The following CDH13 variants were observed in gnomAD, a reference collection of about 807,000 sequenced individuals.
The protein encoded by CDH13 is cadherin 13.
Under a neutral mutation model 63.8 loss-of-function variants are expected in CDH13, and 24 were observed. That is an observed-to-expected ratio of 0.38 (90% CI 0.27 to 0.53). The LOEUF (loss-of-function observed/expected upper bound fraction) is 0.53. Ranked by LOEUF, CDH13 falls within the 20% of genes least tolerant of loss-of-function variation. The pLI is 0.85. For synonymous variants in CDH13, 503 were observed against 355.3 expected (o/e 1.42, Z -4.67); for missense variants, 1,049 against 903.1 (o/e 1.16, Z -2.07).
intron 3 of CDH13, among the ~76,000 whole-genome samples, chr16:83,117,631 G>C (rs1338422368): frequency 1.3e-5 from 2 of 151,974 alleles, no homozygotes; most frequent in East Asian, 3.9e-4. Context: ...ACCTGGCAGA[G>C]AGAAAGGGCT....
chr16:82,863,988 T>C (rs1459962766), intron 2 of CDH13, among the ~76,000 whole-genome samples: 2 of 152,240 alleles, frequency 1.3e-5, no homozygotes, highest in Non-Finnish European at 2.9e-5. Flanking sequence ...GCTTTCCTTT[T>C]AAAAGGTCAC....
intron 1 of CDH13, among the ~76,000 whole-genome samples, chr16:82,851,368 G>T (rs1486782488): frequency 6.6e-6 from 1 of 151,398 alleles, no homozygotes; most frequent in East Asian, 1.9e-4. Flanking sequence ...CCTGGAGGCG[G>T]AGGGTGCAGT....
intron 3 of CDH13, among the ~76,000 whole-genome samples, chr16:83,097,624 A>T (rs1257031809): frequency 1.3e-5 from 2 of 152,204 alleles, no homozygotes; most frequent in East Asian, 1.9e-4. Flanking sequence ...TGGGATAGCC[A>T]AGGAAGGCAT....
At chr16:83,579,580 C>G (rs538195653) in intron 7 of CDH13, among the ~76,000 whole-genome samples, 1 of 152,192 alleles carries the variant, frequency 6.6e-6, no homozygotes, top group South Asian at 2.1e-4. Flanking sequence ...ATCCAGTCAC[C>G]TCCCACCAGG....
At chr16:83,763,090 C>A (rs562908354) in intron 11 of CDH13, among the ~76,000 whole-genome samples, 1 of 152,046 alleles carries the variant, frequency 6.6e-6, no homozygotes, top group Non-Finnish European at 1.5e-5. Context: ...TTTAAAAGAA[C>A]GGGGGAGTGA....
chr16:83,428,509 A>C (rs1172939206), intron 6 of CDH13, among the ~76,000 whole-genome samples: 2 of 152,210 alleles, frequency 1.3e-5, no homozygotes, highest in African/African-American at 4.8e-5. Flanking sequence ...CGTGGCATGG[A>C]GATAACAATA....
chr16:82,657,423 A>G (rs1391842716), intron 1 of CDH13, among the ~76,000 whole-genome samples: 1 of 152,252 alleles, frequency 6.6e-6, no homozygotes, highest in Non-Finnish European at 1.5e-5. Flanking sequence ...CAGGATGGAT[A>G]CACTGAAGAA....
chr16:83,489,297 G>C (rs973645973), intron 7 of CDH13, among the ~76,000 whole-genome samples: 1 of 152,062 alleles, frequency 6.6e-6, no homozygotes, highest in Admixed American at 6.6e-5. Flanking sequence ...TGTAATTATG[G>C]AAGTTGAATT....
At chr16:83,504,565 C>T (rs4782805) in intron 7 of CDH13, among the ~76,000 whole-genome samples, 100,946 of 151,882 alleles carry the variant, frequency 0.66, 33,773 homozygotes, top group East Asian at 0.88. Context: ...GACCTGGACT[C>T]CACGTTTTGG....
intron 3 of CDH13, among the ~76,000 whole-genome samples, chr16:83,055,282 T>G (rs1443218807): frequency 1.3e-5 from 2 of 151,730 alleles, no homozygotes; most frequent in East Asian, 3.9e-4. Context: ...AAAATACAAT[T>G]TATAACATAG....
intron 1 of CDH13, chr16:82,719,588 G>A: frequency 2.7e-6 from 1 of 365,304 alleles, no homozygotes; most frequent in Non-Finnish European, 5.5e-6. Context: ...GCTTGTGTCT[G>A]TAATCCCAGC....
At chr16:82,887,566 A>T (rs921117166) in intron 2 of CDH13, among the ~76,000 whole-genome samples, 1 of 152,166 alleles carries the variant, frequency 6.6e-6, no homozygotes, top group Non-Finnish European at 1.5e-5. Flanking sequence ...CACGCCTGTA[A>T]TCCCAGCGCT....
At chr16:83,753,901 C>G (rs577530262) in intron 11 of CDH13, among the ~76,000 whole-genome samples, 1 of 151,262 alleles carries the variant, frequency 6.6e-6, no homozygotes, top group African/African-American at 2.4e-5. Flanking sequence ...GCATTGACAA[C>G]TAGATAAACT....
chr16:83,203,489 A>T (rs375369648), intron 4 of CDH13, among the ~76,000 whole-genome samples: 1 of 151,778 alleles, frequency 6.6e-6, no homozygotes, highest in African/African-American at 2.4e-5. Context: ...GATCAAGACC[A>T]TCCTGGCTAA....
chr16:83,657,783 C>T (rs1363453799), intron 8 of CDH13, among the ~76,000 whole-genome samples: 2 of 152,206 alleles, frequency 1.3e-5, no homozygotes, highest in African/African-American at 2.4e-5. Context: ...CGCAACATTC[C>T]CTGCCAGTGG....
intron 2 of CDH13, among the ~76,000 whole-genome samples, chr16:82,918,148 G>A (rs946573288): frequency 2.0e-5 from 3 of 152,128 alleles, no homozygotes; most frequent in Non-Finnish European, 4.4e-5. Context: ...CAGGTGCCGG[G>A]TACCTCCTTT....
intron 4 of CDH13, among the ~76,000 whole-genome samples, chr16:83,152,016 A>C (rs2037004345): frequency 6.6e-6 from 1 of 152,220 alleles, no homozygotes; most frequent in African/African-American, 2.4e-5. Context: ...CAAACAAAAA[A>C]AAAAAGAATA....
At chr16:83,424,171 G>A (rs1047718361) in intron 6 of CDH13, among the ~76,000 whole-genome samples, 1 of 151,302 alleles carries the variant, frequency 6.6e-6, no homozygotes. Context: ...CTAGAAGAGG[G>A]AAATCTAACA....
chr16:83,362,504 C>G (rs2091181335), intron 6 of CDH13, among the ~76,000 whole-genome samples: 1 of 152,228 alleles, frequency 6.6e-6, no homozygotes, highest in Non-Finnish European at 1.5e-5. Flanking sequence ...TCATGGCTCA[C>G]CTCATAGGTG....
Sources: allele counts gnomAD v4.1 joint callset (sites outside exome capture counted in the v4.1 genomes callset), GRCh38; gene constraint gnomAD v4.1.1; transcripts MANE v1.5; gene names NCBI Gene and HGNC (gene_info 2026-07-23, HGNC 2026-07-21).